DCAF6: variants seen among roughly 807,000 people sequenced by gnomAD.
DCAF6 encodes the protein DDB1 and CUL4 associated factor 6.
In DCAF6, 54 loss-of-function variants were observed where a neutral mutation model predicts 125.1. The observed-to-expected ratio is 0.43, with a 90% confidence interval of 0.35 to 0.54. The LOEUF is 0.54. Ranked by LOEUF, DCAF6 falls within the 20% of genes least tolerant of loss-of-function variation. The pLI is 0.01. For synonymous variants in DCAF6, 371 were observed against 390.4 expected (o/e 0.95, Z 0.58); for missense variants, 934 against 1,161.7 (o/e 0.80, Z 2.85).
At chr1:167,865,194 T>A in the DCAF6 span, among the ~76,000 whole-genome samples, 3 of 152,202 alleles carry the variant, frequency 2.0e-5, no homozygotes, top group East Asian at 3.8e-4. Flanking sequence ...GTAAAAAGAT[T>A]AGAAGGAGGC....
chr1:167,936,137 G>A, upstream of DCAF6: 1 of 408,948 alleles, frequency 2.4e-6, no homozygotes, highest in Non-Finnish European at 4.6e-6. Context: ...ACCTCACCAA[G>A]TCTGCGCTGC....
At chr1:167,905,167 T>C in the DCAF6 span, 3 of 1,614,166 alleles carry the variant, frequency 1.9e-6, no homozygotes, top group South Asian at 1.1e-5. Flanking sequence ...CAGGATTTTA[T>C]GGTGACAGGA....
intron 17 of DCAF6, among the ~76,000 whole-genome samples, chr1:168,062,654 G>C (rs1456227489): frequency 6.6e-6 from 1 of 151,624 alleles, no homozygotes; most frequent in Non-Finnish European, 1.5e-5. Flanking sequence ...ATGGACGTCT[G>C]GTCTGTTATA....
chr1:168,025,539 A>G lies in DCAF6; in HGVS notation c.1609+2492A>G, dbSNP rs192077131. On this transcript the variant is annotated intron_variant, in intron 12 of 21. Transcript: ENST00000367840. Reference sequence around the variant, plus strand: ...CAGAAATGTTCTAATGGTGGAAAATATATCTAATTAATTAAATCCTGAGTT... The same window carrying G: ...CAGAAATGTTCTAATGGTGGAAAATGTATCTAATTAATTAAATCCTGAGTT... Among the ~76,000 whole-genome samples, 156 of 152,334 alleles carry G rather than the reference A, an allele frequency of 1.0e-3. 3 individuals are homozygous for G. The East Asian group carries it at 0.023, about 23-fold the overall frequency.
At chr1:167,974,690 T>C (rs1295938975) in intron 3 of DCAF6, 140 bp from the exon 4 acceptor site, 4 of 571,842 alleles carry the variant, frequency 7.0e-6, no homozygotes, top group Non-Finnish European at 1.1e-5. Context: ...TTTTAAATTA[T>C]AATAGCTTGC....
intron 4 of DCAF6, among the ~76,000 whole-genome samples, chr1:167,985,190 TGTGTGTGTGTGTGTGTGTGTG>T (rs1232530087): frequency 6.9e-6 from 1 of 145,840 alleles, no homozygotes; most frequent in African/African-American, 2.7e-5. Context: ...ACGTCGTGTG[TGTGTGTGTGTGTGTGTGTGTG>T]GTGTGTGTGT....
chr1:167,987,850 A>G (rs999968818), intron 5 of DCAF6, among the ~76,000 whole-genome samples: 5 of 152,116 alleles, frequency 3.3e-5, no homozygotes, highest in African/African-American at 1.2e-4. Flanking sequence ...TTAATTGTAC[A>G]TTTAAAATAT....
the DCAF6 span, among the ~76,000 whole-genome samples, chr1:167,886,944 A>G: frequency 6.6e-6 from 1 of 152,240 alleles, no homozygotes; most frequent in African/African-American, 2.4e-5. Context: ...CAGATGAAAA[A>G]ATGTTCATCA....
chr1:168,068,247 A>T, intron 20 of DCAF6, 111 bp from the exon 21 acceptor site: 1 of 625,388 alleles, frequency 1.6e-6, no homozygotes, highest in Middle Eastern at 2.6e-4. Context: ...ACGCATAAAG[A>T]ATGAAGTAAT....
chr1:167,911,563 C>T, the DCAF6 span, among the ~76,000 whole-genome samples: 2 of 152,176 alleles, frequency 1.3e-5, no homozygotes, highest in Non-Finnish European at 2.9e-5. Flanking sequence ...GCTAGCCGAT[C>T]GGGACAAATA....
intron 21 of DCAF6, among the ~76,000 whole-genome samples, chr1:168,069,112 T>G (rs1325391958): frequency 6.6e-6 from 1 of 152,166 alleles, no homozygotes; most frequent in Non-Finnish European, 1.5e-5. Flanking sequence ...TGTATCAGGC[T>G]TATACTAATT....
intron 12 of DCAF6, 41 bp downstream of exon 12, chr1:168,023,088 G>A (rs1685865974): frequency 6.3e-7 from 1 of 1,597,304 alleles, no homozygotes; most frequent in Non-Finnish European, 8.6e-7. Context: ...TCCATCCATA[G>A]CTTTATTGCA....
the DCAF6 span, among the ~76,000 whole-genome samples, chr1:167,911,503 C>G: frequency 6.6e-6 from 1 of 152,190 alleles, no homozygotes; most frequent in Admixed American, 6.5e-5. Flanking sequence ...AAGTTACTTC[C>G]TCCTTCTTTT....
At chr1:168,025,653 T>C (rs1686241941) in intron 12 of DCAF6, among the ~76,000 whole-genome samples, 2 of 152,162 alleles carry the variant, frequency 1.3e-5, no homozygotes, top group Admixed American at 1.3e-4. Flanking sequence ...AGATAACTTC[T>C]AAAAGTTAAT....
chr1:167,900,527 A>C, the DCAF6 span, among the ~76,000 whole-genome samples: 1 of 151,928 alleles, frequency 6.6e-6, no homozygotes, highest in South Asian at 2.1e-4. Flanking sequence ...CAAAATATTT[A>C]ACTTATTTGG....
intron 1 of DCAF6, among the ~76,000 whole-genome samples, chr1:167,937,636 TCCCAC>T (rs994289474): frequency 2.0e-5 from 3 of 152,214 alleles, no homozygotes; most frequent in African/African-American, 7.2e-5. Context: ...ACGTTCCTCT[TCCCAC>T]CCCTGGAAAA....
At chr1:167,875,270 A>G in the DCAF6 span, 3 of 1,409,598 alleles carry the variant, frequency 2.1e-6, no homozygotes. Context: ...TAGTTCCCAG[A>G]AAGTTTCCTT....
At chr1:167,896,136 G>C in the DCAF6 span, among the ~76,000 whole-genome samples, 9 of 152,278 alleles carry the variant, frequency 5.9e-5, no homozygotes, top group East Asian at 1.7e-3. Flanking sequence ...GACTAGCGTA[G>C]AAGCTAGGTG....
intron 4 of DCAF6, among the ~76,000 whole-genome samples, chr1:167,983,316 A>G (rs745956288): frequency 2.5e-4 from 38 of 152,250 alleles, no homozygotes; most frequent in Middle Eastern, 6.8e-3. Context: ...ATGGAAAAAC[A>G]TTGTTGCTGT....
Sources: allele counts gnomAD v4.1 joint callset (sites outside exome capture counted in the v4.1 genomes callset), GRCh38; gene constraint gnomAD v4.1.1; transcripts MANE v1.5; gene names NCBI Gene and HGNC (gene_info 2026-07-23, HGNC 2026-07-21).